Variants in GLMN observed in about 807,000 individuals in gnomAD.
The protein encoded by GLMN is glomulin, FKBP associated protein.
GLMN carries 75 observed loss-of-function variants against 87.8 expected under a neutral mutation model. That is an observed-to-expected ratio of 0.85 (90% CI 0.71 to 1.04). GLMN has a LOEUF of 1.04. Among genes scored for constraint, GLMN ranks in the 50% least tolerant of loss-of-function variants. The pLI, the probability that GLMN is intolerant of heterozygous loss-of-function variation, is 0.00. For synonymous variants in GLMN, 206 were observed against 221.6 expected, an observed-to-expected ratio of 0.93 and a Z score of 0.63; for missense variants, 588 against 658.8, an observed-to-expected ratio of 0.89 and a Z score of 1.18.
At chr1:92,249,569 A>G (rs1048122721) in intron 16 of GLMN, among the ~76,000 whole-genome samples, 4 of 152,120 alleles carry the variant, frequency 2.6e-5, no homozygotes, top group African/African-American at 7.2e-5. Context: ...TAAAATGTAT[A>G]ATAATGTCAG....
chr1:92,254,158 AAG>A (rs1333039209), intron 16 of GLMN, among the ~76,000 whole-genome samples: 2 of 152,214 alleles, frequency 1.3e-5, no homozygotes, highest in Non-Finnish European at 2.9e-5. Flanking sequence ...AAGTGGAAGA[AAG>A]AATATCAGAG....
chr1:92,272,237 G>A (rs941548501), intron 7 of GLMN, among the ~76,000 whole-genome samples: 3 of 152,206 alleles, frequency 2.0e-5, no homozygotes, highest in Non-Finnish European at 4.4e-5. Context: ...CAACTGGCCT[G>A]TAGCCCAATG....
chr1:92,262,002 T>C (rs549491817), intron 16 of GLMN, among the ~76,000 whole-genome samples: 32 of 152,216 alleles, frequency 2.1e-4, no homozygotes, highest in Non-Finnish European at 4.0e-4. Context: ...GAGTAAGCAC[T>C]AGTCAATGAT....
the GLMN span, among the ~76,000 whole-genome samples, chr1:92,306,808 A>G: frequency 4.6e-5 from 7 of 152,234 alleles, no homozygotes; most frequent in Admixed American, 6.5e-5. Context: ...CCTAAAAAAA[A>G]TAAAATTTAA....
the GLMN span, among the ~76,000 whole-genome samples, chr1:92,317,789 T>G: frequency 3.3e-5 from 5 of 152,354 alleles, no homozygotes; most frequent in South Asian, 6.2e-4. Context: ...CAATTTTCTT[T>G]TAATTCTCAA....
chr1:92,296,795 C>G (rs562528571), intron 3 of GLMN, among the ~76,000 whole-genome samples: 2 of 152,296 alleles, frequency 1.3e-5, no homozygotes, highest in African/African-American at 4.8e-5. Flanking sequence ...AATGACATAT[C>G]GTTTTCCTCC....
At chr1:92,320,015 AAAAG>A in the GLMN span, among the ~76,000 whole-genome samples, 2 of 152,234 alleles carry the variant, frequency 1.3e-5, no homozygotes, top group Admixed American at 1.3e-4. Flanking sequence ...AAAAAAAAGA[AAAAG>A]AAAAAGTTAA....
At chr1:92,249,135 G>A (rs1344723401) in intron 16 of GLMN, among the ~76,000 whole-genome samples, 3 of 151,730 alleles carry the variant, frequency 2.0e-5, no homozygotes, top group Admixed American at 1.3e-4. Flanking sequence ...GGGAAAAAAG[G>A]TTATAAAACA....
rs1655282010 is a variant in GLMN at position 92,263,617 on chromosome 1, C to T, written c.1409+6G>A. ...ACTATGTGAACTTTGGTAATGGTCA[C>T]CTCACCTATCTGAGTTTTGCAGTAA... is the stretch of plus-strand genomic sequence containing the variant. On this transcript the variant is annotated splice_donor_region_variant and intron_variant, in intron 15 of 18. Transcript: ENST00000370360. The T allele has an allele frequency of 1.6e-6, 2 of 1,226,528 alleles. No homozygotes were observed. The highest frequency in any genetic ancestry group is 2.3e-5 in the East Asian group (1 of 43,038). The allele number at this position is 1,226,528 out of a possible 1,614,324, so 76.0% of individuals were successfully genotyped here.
At chr1:92,303,883 CTG>C, upstream of GLMN, 1 of 756,990 alleles carries the variant, frequency 1.3e-6, no homozygotes, top group Non-Finnish European at 2.1e-6. Context: ...ATTGCTATCC[CTG>C]TGTTTTCAGA....
At position 92,271,472 on chromosome 1, in the gene GLMN, C is replaced by T; in HGVS notation, c.916G>A (p.Val306Ile). ...CCAAACACTAACTCTTACCTTAAGACCATTGGAAGCTGATCAATATGGATG... is the reference window on the plus strand; with the variant it reads ...CCAAACACTAACTCTTACCTTAAGATCATTGGAAGCTGATCAATATGGATG... Reference protein sequence around the residue: ...QGIHIDQLPMVLSPLYLLQFN... With the variant: ...QGIHIDQLPMILSPLYLLQFN... Residue 306 changes from valine to isoleucine, a missense_variant, in exon 8 of 19, where the codon GTC becomes ATC. Val to Ile is a conservative substitution (Grantham distance 29, BLOSUM62 3). Transcript: ENST00000370360. 6.2e-7 allele frequency: 1 copy of T among 1,610,694 alleles called. No homozygotes were observed. The highest frequency in any genetic ancestry group is 1.3e-5 in the African/African-American group (1 of 74,928).
rs866792460 is a variant in GLMN, at chr1:92,297,320, T to C, written c.165+84A>G. ...AAAATTTAAGTAGATTCTTAAATGT[T>C]TGATGGATAAATGACTGGATGAATA... On this transcript the variant is annotated intron_variant, in intron 3 of 18. Transcript: ENST00000370360. 5.2e-6 allele frequency: 8 copies of C among 1,551,758 alleles called. No individual in the cohort carries two copies. The Admixed American group carries it at 1.2e-4, about 23-fold the overall frequency.
intron 16 of GLMN, among the ~76,000 whole-genome samples, chr1:92,259,982 G>T (rs539831407): frequency 1.3e-5 from 2 of 151,854 alleles, no homozygotes; most frequent in African/African-American, 2.4e-5. Flanking sequence ...TGAACCGCCC[G>T]CCTTGGCCTT....
At chr1:92,298,424 A>G (rs1650422778) in intron 1 of GLMN, among the ~76,000 whole-genome samples, 2 of 152,228 alleles carry the variant, frequency 1.3e-5, no homozygotes, top group Admixed American at 1.3e-4. Context: ...AAAAATTTCC[A>G]AAAGGTGGAC....
At chr1:92,280,275 G>A (rs1485650177) in intron 7 of GLMN, among the ~76,000 whole-genome samples, 2 of 152,208 alleles carry the variant, frequency 1.3e-5, no homozygotes, top group Non-Finnish European at 2.9e-5. Flanking sequence ...GGAAGGATCA[G>A]GCAGCAATAT....
intron 16 of GLMN, among the ~76,000 whole-genome samples, chr1:92,255,532 T>C (rs913056365): frequency 3.9e-5 from 6 of 152,080 alleles, no homozygotes; most frequent in Admixed American, 2.6e-4. Flanking sequence ...CCTCAGCAAA[T>C]GCAAAAGAAC....
At chr1:92,280,322 A>C (rs1286778069) in intron 7 of GLMN, among the ~76,000 whole-genome samples, 1 of 152,206 alleles carries the variant, frequency 6.6e-6, no homozygotes, top group Non-Finnish European at 1.5e-5. Flanking sequence ...ATACCCATGC[A>C]AACAGGGTCT....
the GLMN span, among the ~76,000 whole-genome samples, chr1:92,356,130 TTTTA>T: frequency 0.023 from 3,451 of 152,030 alleles, 56 homozygotes; most frequent in Middle Eastern, 0.041. Flanking sequence ...ATTCTTTACA[TTTTA>T]TTTATTTATT....
the GLMN span, among the ~76,000 whole-genome samples, chr1:92,366,865 C>T: frequency 6.6e-6 from 1 of 152,124 alleles, no homozygotes; most frequent in South Asian, 2.1e-4. Flanking sequence ...TTACTGGTCA[C>T]AGCTCTTCAT....
Sources: allele counts gnomAD v4.1 joint callset (sites outside exome capture counted in the v4.1 genomes callset), GRCh38; gene constraint gnomAD v4.1.1; transcripts MANE v1.5; gene names NCBI Gene and HGNC (gene_info 2026-07-23, HGNC 2026-07-21).